The following DLGAP1 variants were observed in gnomAD, a reference collection of about 807,000 sequenced individuals.
The protein encoded by DLGAP1 is DLG associated protein 1.
A neutral mutation model predicts 90.8 loss-of-function variants in DLGAP1; 11 were observed. The ratio of observed to expected loss-of-function variants is 0.12; its 90% CI spans 0.08 to 0.20. The LOEUF (loss-of-function observed/expected upper bound fraction) is 0.20, where lower values mean the gene tolerates loss of function less well. Among genes scored for constraint, DLGAP1 ranks in the 10% least tolerant of loss-of-function variants. DLGAP1 has a pLI of 1.00. For missense variants in DLGAP1, 1,050 were observed against 1,333.8 expected (o/e 0.79, Z 3.31); for synonymous variants, 558 against 540.7 (o/e 1.03, Z -0.44).
intron 1 of DLGAP1, among the ~76,000 whole-genome samples, chr18:4,189,407 A>C (rs2077355154): frequency 6.6e-6 from 1 of 152,168 alleles, no homozygotes; most frequent in African/African-American, 2.4e-5. Context: ...TAGAAATTTT[A>C]ACTTGCACAA....
intron 3 of DLGAP1, among the ~76,000 whole-genome samples, chr18:3,985,789 T>TAACTAAAC (rs776046143): frequency 2.0e-5 from 3 of 152,170 alleles, no homozygotes; most frequent in Non-Finnish European, 4.4e-5. Flanking sequence ...GTCATTTGCT[T>TAACTAAAC]AACTAAACAG....
chr18:4,087,089 A>G (rs551270402), intron 2 of DLGAP1, among the ~76,000 whole-genome samples: 2 of 82,164 alleles, frequency 2.4e-5, no homozygotes, highest in South Asian at 6.4e-4. Flanking sequence ...ATATATGTAT[A>G]TATGTATATA....
chr18:3,815,907 G>T (rs748988454), intron 4 of DLGAP1, among the ~76,000 whole-genome samples: 1 of 152,158 alleles, frequency 6.6e-6, no homozygotes, highest in African/African-American at 2.4e-5. Flanking sequence ...TTATAACAGA[G>T]ACGAGAAGAG....
At position 4,057,503 on chromosome 18, in the gene DLGAP1, C is replaced by G. The variant is rs2075239032; in HGVS notation, c.-158-52302G>C. Reference sequence around the variant, plus strand: ...AGAATCAGGGGAGAAGGATCGCAATCCCCCAGAAGCCTGCCAATGTATAAG... The same window carrying G: ...AGAATCAGGGGAGAAGGATCGCAATGCCCCAGAAGCCTGCCAATGTATAAG... On this transcript the variant is annotated intron_variant, in intron 2 of 12. Transcript: ENST00000315677. Among the ~76,000 whole-genome samples the G allele has an allele frequency of 3.3e-5, 5 of 152,310 alleles. No homozygotes were observed. In the South Asian group the frequency reaches 1.0e-3, roughly 32 times the overall value.
intron 1 of DLGAP1, among the ~76,000 whole-genome samples, chr18:4,200,111 TGAG>T (rs2077579982): frequency 6.6e-6 from 1 of 152,202 alleles, no homozygotes. Flanking sequence ...AAGTATTTTC[TGAG>T]TAGTATTCAG....
intron 1 of DLGAP1, among the ~76,000 whole-genome samples, chr18:4,394,712 T>C (rs1567886876): frequency 6.6e-6 from 1 of 152,230 alleles, no homozygotes; most frequent in Non-Finnish European, 1.5e-5. Flanking sequence ...TAATTTTAAA[T>C]AGGTGGGAAC....
At chr18:3,785,091 T>C (rs1598738631) in intron 5 of DLGAP1, among the ~76,000 whole-genome samples, 1 of 152,366 alleles carries the variant, frequency 6.6e-6, no homozygotes, top group East Asian at 1.9e-4. Context: ...CAGTTGTGCA[T>C]TCATTCACTT....
intron 5 of DLGAP1, among the ~76,000 whole-genome samples, chr18:3,778,302 G>A (rs1207814754): frequency 1.3e-5 from 2 of 152,060 alleles, no homozygotes; most frequent in Non-Finnish European, 1.5e-5. Flanking sequence ...TTGGCTGGGC[G>A]TGGTGGCAGG....
At chr18:4,412,647 AT>A (rs375979636) in intron 1 of DLGAP1, among the ~76,000 whole-genome samples, 2 of 152,324 alleles carry the variant, frequency 1.3e-5, no homozygotes, top group African/African-American at 4.8e-5. Flanking sequence ...GTTATATAGG[AT>A]TTAACTCTTA....
chr18:3,810,832 GTCTC>G (rs2066795966), intron 5 of DLGAP1, among the ~76,000 whole-genome samples: 1 of 151,960 alleles, frequency 6.6e-6, no homozygotes, highest in East Asian at 1.9e-4. Flanking sequence ...TTGAGACAGG[GTCTC>G]TCTCTGTTGC....
At chr18:4,013,001 G>A (rs1372206670) in intron 2 of DLGAP1, among the ~76,000 whole-genome samples, 2 of 152,044 alleles carry the variant, frequency 1.3e-5, no homozygotes, top group Non-Finnish European at 2.9e-5. Context: ...CACCGGTCCC[G>A]GCCCTATTTA....
intron 2 of DLGAP1, among the ~76,000 whole-genome samples, chr18:4,025,641 A>G (rs1306888941): frequency 2.0e-5 from 3 of 152,166 alleles, no homozygotes; most frequent in Admixed American, 1.3e-4. Flanking sequence ...TTAACAGAAC[A>G]AACATATTGT....
intron 4 of DLGAP1, among the ~76,000 whole-genome samples, chr18:3,865,775 G>A (rs1287112054): frequency 1.3e-5 from 2 of 152,138 alleles, no homozygotes; most frequent in Non-Finnish European, 2.9e-5. Flanking sequence ...GGTCAGAACG[G>A]CTACCCCAGA....
chr18:4,039,625 T>C lies in DLGAP1; in HGVS notation c.-158-34424A>G, dbSNP rs147612617. ...GAGAAGAATGTGGTCCTGCAAGGTATGTTTCATTACTGTATTTGTAAAGTA... is the reference window on the plus strand; with the variant it reads ...GAGAAGAATGTGGTCCTGCAAGGTACGTTTCATTACTGTATTTGTAAAGTA... On this transcript the variant is annotated intron_variant, in intron 2 of 12. Coordinates refer to ENST00000315677, the MANE Select transcript of DLGAP1 (RefSeq NM_004746.4). 2.3e-4 allele frequency among the ~76,000 whole-genome samples: 35 copies of C among 152,320 alleles called. No individual in the cohort carries two copies. The East Asian group carries it at 6.7e-3, about 29-fold the overall frequency.
chr18:4,288,773 T>A (rs1173424314), intron 1 of DLGAP1, among the ~76,000 whole-genome samples: 1 of 152,146 alleles, frequency 6.6e-6, no homozygotes, highest in African/African-American at 2.4e-5. Flanking sequence ...ATCATCTGCC[T>A]CCGACTAAGT....
chr18:4,183,164 GCAAGAAAATTAAATATA>G (rs2077236602), intron 1 of DLGAP1, among the ~76,000 whole-genome samples: 1 of 152,098 alleles, frequency 6.6e-6, no homozygotes, highest in African/African-American at 2.4e-5. Flanking sequence ...TTTTGAATAT[GCAAGAAAATTAAATATA>G]CAAGTCATAC....
chr18:3,889,234 C>A (rs2071399607), intron 3 of DLGAP1, among the ~76,000 whole-genome samples: 1 of 152,060 alleles, frequency 6.6e-6, no homozygotes, highest in African/African-American at 2.4e-5. Flanking sequence ...TGGAAAAACA[C>A]AAAAACAATG....
intron 7 of DLGAP1, 38 bp from the exon 8 acceptor site, chr18:3,582,286 C>T (rs528028996): frequency 7.0e-5 from 110 of 1,579,782 alleles, no homozygotes; most frequent in Non-Finnish European, 8.8e-5. Flanking sequence ...GTGATTTCTG[C>T]GTGGGTTTTA....
chr18:3,522,135 C>CTTTTT (rs11374414), intron 10 of DLGAP1, among the ~76,000 whole-genome samples: 11 of 98,208 alleles, frequency 1.1e-4, no homozygotes, highest in East Asian at 9.7e-4. Context: ...TTCTTTCTTG[C>CTTTTT]TTTTTTTTTT....
Sources: gnomAD v4.1 joint callset for allele counts (sites outside exome capture counted in the v4.1 genomes callset) on GRCh38, gnomAD v4.1.1 for gene constraint, MANE v1.5 for transcripts, NCBI Gene and HGNC (gene_info 2026-07-23, HGNC 2026-07-21) for gene names.